Variants in CDH11 observed in about 807,000 individuals in gnomAD.
CDH11 encodes cadherin 11, also known as cadherin-11.
In CDH11, 11 loss-of-function variants were observed where a neutral mutation model predicts 67.8. The observed-to-expected ratio is 0.16, with a 90% CI of 0.10 to 0.27. The LOEUF (loss-of-function observed/expected upper bound fraction) is 0.27, where lower values mean the gene tolerates loss of function less well. Among genes scored for constraint, CDH11 ranks in the 10% least tolerant of loss-of-function variants. CDH11 has a pLI of 1.00. For missense variants in CDH11, 847 were observed against 1,031.2 expected, an observed-to-expected ratio of 0.82 and a Z score of 2.45; for synonymous variants, 419 against 400.0, an observed-to-expected ratio of 1.05 and a Z score of -0.57.
At chr16:65,026,430 T>G (rs905033020) in intron 2 of CDH11, among the ~76,000 whole-genome samples, 4 of 152,166 alleles carry the variant, frequency 2.6e-5, no homozygotes, top group African/African-American at 9.7e-5. Flanking sequence ...CCATTTGACA[T>G]TGAACCAAGA....
intron 2 of CDH11, among the ~76,000 whole-genome samples, chr16:65,005,406 G>A (rs2073031105): frequency 6.6e-6 from 1 of 152,198 alleles, no homozygotes; most frequent in Admixed American, 6.5e-5. Context: ...AATCCACACT[G>A]GGGTTCAGTT....
intron 2 of CDH11, among the ~76,000 whole-genome samples, chr16:65,023,817 C>T (rs1037629614): frequency 2.2e-4 from 33 of 152,288 alleles, no homozygotes; most frequent in African/African-American, 7.2e-4. Context: ...GACCAGAGTT[C>T]GCTTTCATTG....
rs570668005 is a variant in CDH11, at chr16:64,964,902, AT to A, written c.1642+6676del. Among the ~76,000 whole-genome samples, 561 of 152,024 alleles carry A rather than the reference AT, an allele frequency of 3.7e-3. 4 individuals carry two copies. The highest frequency in any genetic ancestry group is 0.013 in the African/African-American group (532 of 41,464). On this transcript the variant is annotated intron_variant, in intron 11 of 12. Transcript: ENST00000268603. ...GGCTACACTAAACTTATAAAAATTTATTTTTTTATTATACTTTAAGTTCTAG... is the reference window on the plus strand; with the variant it reads ...GGCTACACTAAACTTATAAAAATTTATTTTTTATTATACTTTAAGTTCTAG...
chr16:65,027,090 T>C (rs922307316), intron 2 of CDH11, among the ~76,000 whole-genome samples: 1 of 152,044 alleles, frequency 6.6e-6, no homozygotes, highest in Admixed American at 6.6e-5. Flanking sequence ...GACAATTAAG[T>C]CCAGGCCCAG....
chr16:65,005,027 G>T lies in CDH11; in HGVS notation c.-158C>A. On this transcript the variant is annotated 5_prime_UTR_variant, in exon 3 of 13. Coordinates refer to ENST00000268603, the MANE Select transcript of CDH11 (RefSeq NM_001797.4). ...AGCTCATCACGTCAGGGCTGCCCAC[G>T]TCCCCAGTTAGCTTCTGCAAGCAGA... 1 of 1,352,538 alleles carries T rather than the reference G, an allele frequency of 7.4e-7. No homozygotes were observed. Among genetic ancestry groups the T allele is most frequent in the Non-Finnish European group, 9.5e-7 (1 of 1,052,510 alleles). The allele number at this position is 1,352,538 out of a possible 1,614,324, so 83.8% of individuals were successfully genotyped here. A position where few individuals can be genotyped will look rare whatever the true frequency, so the allele number is the denominator to read the frequency against.
At chr16:65,040,266 T>C (rs1195180512) in intron 2 of CDH11, among the ~76,000 whole-genome samples, 5 of 152,226 alleles carry the variant, frequency 3.3e-5, no homozygotes, top group African/African-American at 7.2e-5. Context: ...GTATGTTTAT[T>C]GTGGCACTAT....
intron 1 of CDH11, among the ~76,000 whole-genome samples, chr16:65,114,735 C>T (rs2075214316): frequency 6.6e-6 from 1 of 152,122 alleles, no homozygotes; most frequent in Admixed American, 6.5e-5. Context: ...CCTGGAAGGT[C>T]CAGGAGCCTT....
chr16:65,115,225 T>C (rs182688321), intron 1 of CDH11, among the ~76,000 whole-genome samples: 29 of 152,184 alleles, frequency 1.9e-4, no homozygotes, highest in Middle Eastern at 3.4e-3. Flanking sequence ...GCAGGCAGTG[T>C]TCAAAAGCAG....
chr16:65,109,873 ATGTTTGTT>A (rs146439648), intron 1 of CDH11, among the ~76,000 whole-genome samples: 19,492 of 151,718 alleles, frequency 0.13, 1,374 homozygotes, highest in East Asian at 0.22. Context: ...GGACTATTCA[ATGTTTGTT>A]TGTTTGTTTG....
intron 1 of CDH11, among the ~76,000 whole-genome samples, chr16:65,091,897 A>G (rs998238979): frequency 6.6e-6 from 1 of 152,068 alleles, no homozygotes; most frequent in Non-Finnish European, 1.5e-5. Context: ...CATTCACTCA[A>G]TTGGCTAGTG....
chr16:64,987,047 G>A (rs1289284768), intron 7 of CDH11: 3 of 152,164 alleles, frequency 2.0e-5, no homozygotes, highest in Middle Eastern at 3.4e-3. Context: ...TCGCACCAAG[G>A]AGTTTAATAT....
chr16:65,026,260 T>C (rs2073532812), intron 2 of CDH11, among the ~76,000 whole-genome samples: 1 of 152,142 alleles, frequency 6.6e-6, no homozygotes, highest in South Asian at 2.1e-4. Context: ...AGAAAAAAAT[T>C]TTCTGCAGCA....
chr16:65,005,261 A>G (rs2073025174), intron 2 of CDH11, among the ~76,000 whole-genome samples: 1 of 152,188 alleles, frequency 6.6e-6, no homozygotes, highest in African/African-American at 2.4e-5. Flanking sequence ...AGTAATGCAT[A>G]TAAGTCTCTT....
rs74026239 is a variant in CDH11, at chr16:65,063,354, G to A, written c.-297-9426C>T. ...AAATAAAGAGAAAAAACAAACAAACGAACAAAAAAAGCACTGTCAACAGCT... is the reference window on the plus strand; with the variant it reads ...AAATAAAGAGAAAAAACAAACAAACAAACAAAAAAAGCACTGTCAACAGCT... On this transcript the variant is annotated intron_variant, in intron 1 of 12. Coordinates refer to ENST00000268603, the MANE Select transcript of CDH11 (RefSeq NM_001797.4). Among the ~76,000 whole-genome samples the A allele has an allele frequency of 8.8e-3, 1,342 of 151,960 alleles. 23 individuals are homozygous for A. The highest frequency in any genetic ancestry group is 0.031 in the African/African-American group (1,266 of 41,454).
chr16:65,017,247 C>T (rs962006942), intron 2 of CDH11, among the ~76,000 whole-genome samples: 2 of 152,134 alleles, frequency 1.3e-5, no homozygotes, highest in South Asian at 4.1e-4. Context: ...TTTTACCTAG[C>T]CCCTACTCAA....
chr16:65,079,111 A>G (rs1258971724), intron 1 of CDH11, among the ~76,000 whole-genome samples: 2 of 152,208 alleles, frequency 1.3e-5, no homozygotes, highest in African/African-American at 4.8e-5. Context: ...ATTGATGAGC[A>G]TGTCCTATGA....
At chr16:65,040,283 T>C (rs138066987) in intron 2 of CDH11, among the ~76,000 whole-genome samples, 1,568 of 152,272 alleles carry the variant, frequency 0.01, 27 homozygotes, top group African/African-American at 0.035. Flanking sequence ...CTATTCACAA[T>C]AGCAAAGACT....
At chr16:65,057,443 T>C (rs2074162822) in intron 1 of CDH11, among the ~76,000 whole-genome samples, 1 of 152,154 alleles carries the variant, frequency 6.6e-6, no homozygotes, top group South Asian at 2.1e-4. Flanking sequence ...AGACAGTACA[T>C]GCTATATACT....
chr16:65,104,713 A>T (rs953219540), intron 1 of CDH11, among the ~76,000 whole-genome samples: 1 of 152,196 alleles, frequency 6.6e-6, no homozygotes, highest in Non-Finnish European at 1.5e-5. Flanking sequence ...GAGACAATGA[A>T]TGTGAAGCAT....
Sources: gnomAD v4.1 joint callset for allele counts (sites outside exome capture counted in the v4.1 genomes callset) on GRCh38, gnomAD v4.1.1 for gene constraint, MANE v1.5 for transcripts, NCBI Gene and HGNC (gene_info 2026-07-23, HGNC 2026-07-21) for gene names.